Variants in TMTC1 observed in about 807,000 individuals in gnomAD.
The protein encoded by TMTC1 is protein O-mannosyl-transferase TMTC1.
TMTC1 carries 73 observed loss-of-function variants against 104.8 expected under a neutral mutation model. The ratio of observed to expected loss-of-function variants is 0.70; its 90% CI spans 0.58 to 0.85. The LOEUF (loss-of-function observed/expected upper bound fraction) is 0.85, where lower values mean the gene tolerates loss of function less well. Among genes scored for constraint, TMTC1 ranks in the 40% least tolerant of loss-of-function variants. The pLI, the probability that TMTC1 is intolerant of heterozygous loss-of-function variation, is 0.00. For missense variants in TMTC1, 1,035 were observed against 1,096.1 expected, an observed-to-expected ratio of 0.94 and a Z score of 0.79; for synonymous variants, 434 against 428.7, an observed-to-expected ratio of 1.01 and a Z score of -0.15.
At chr12:29,752,451 T>A (rs530925727) in intron 4 of TMTC1, among the ~76,000 whole-genome samples, 99 of 152,322 alleles carry the variant, frequency 6.5e-4, no homozygotes, top group Non-Finnish European at 1.1e-3. Context: ...GAGCAATGTC[T>A]CGGGATGTAA....
intron 5 of TMTC1, among the ~76,000 whole-genome samples, chr12:29,644,434 G>T (rs1939176843): frequency 6.6e-6 from 1 of 151,660 alleles, no homozygotes. Context: ...GATAATGGGT[G>T]CACCAAAATC....
intron 11 of TMTC1, among the ~76,000 whole-genome samples, chr12:29,523,819 T>C (rs1001229058): frequency 3.3e-5 from 5 of 152,166 alleles, no homozygotes; most frequent in African/African-American, 7.2e-5. Context: ...CTGTTTAGGA[T>C]TTTTTTAAAA....
At chr12:29,779,638 T>A (rs1464193300) in intron 1 of TMTC1, among the ~76,000 whole-genome samples, 2 of 152,216 alleles carry the variant, frequency 1.3e-5, no homozygotes, top group Non-Finnish European at 2.9e-5. Context: ...GCTCTCAGTA[T>A]GCGTAAGATA....
chr12:29,580,618 G>T (rs1945951827), intron 8 of TMTC1, among the ~76,000 whole-genome samples: 1 of 152,192 alleles, frequency 6.6e-6, no homozygotes. Context: ...GGGGAAGATG[G>T]AGTCTCTGCC....
At chr12:29,515,741 C>T in intron 15 of TMTC1, among the ~76,000 whole-genome samples, 1 of 132,792 alleles carries the variant, frequency 7.5e-6, no homozygotes, top group East Asian at 2.3e-4. Context: ...TCCATGAAGA[C>T]AAGGGCAGTG....
At chr12:29,672,237 C>G (rs1940545534) in intron 5 of TMTC1, among the ~76,000 whole-genome samples, 1 of 152,150 alleles carries the variant, frequency 6.6e-6, no homozygotes, top group Non-Finnish European at 1.5e-5. Flanking sequence ...GTCTTTAGGG[C>G]TCATCAAGTT....
chr12:29,565,760 T>A (rs1945494470), intron 9 of TMTC1, among the ~76,000 whole-genome samples: 1 of 152,072 alleles, frequency 6.6e-6, no homozygotes, highest in Non-Finnish European at 1.5e-5. Flanking sequence ...GGCAAGAGAA[T>A]CTCTTGTACC....
intron 5 of TMTC1, among the ~76,000 whole-genome samples, chr12:29,676,888 C>T (rs2136700495): frequency 6.6e-6 from 1 of 152,290 alleles, no homozygotes; most frequent in East Asian, 1.9e-4. Flanking sequence ...CTTGACAGAG[C>T]TGGCTGGCAT....
chr12:29,757,193 C>T (rs1943234811), intron 3 of TMTC1, among the ~76,000 whole-genome samples: 1 of 152,168 alleles, frequency 6.6e-6, no homozygotes, highest in Non-Finnish European at 1.5e-5. Flanking sequence ...ACCCTTTAAA[C>T]AAAACAAAAC....
At chr12:29,694,574 A>T (rs568596121) in intron 5 of TMTC1, among the ~76,000 whole-genome samples, 181 of 147,098 alleles carry the variant, frequency 1.2e-3, no homozygotes, top group African/African-American at 4.8e-3. Context: ...AAATCCACGG[A>T]TATGGAAGGC....
rs1376375750 is a variant in TMTC1, at chr12:29,543,062, C to A, written c.1677-6745G>T. Reference sequence around the variant, plus strand: ...AATTCCCGAGAATGTGTTCCTGGGACCAGTGACATCATCATTAATTTCATA... The same window carrying A: ...AATTCCCGAGAATGTGTTCCTGGGAACAGTGACATCATCATTAATTTCATA... On this transcript the variant is annotated intron_variant, in intron 10 of 17. Transcript: ENST00000539277. Among the ~76,000 whole-genome samples, 3 of 152,206 alleles carry A rather than the reference C, an allele frequency of 2.0e-5. No homozygotes were observed. The East Asian group carries it at 5.8e-4, about 29-fold the overall frequency.
intron 5 of TMTC1, among the ~76,000 whole-genome samples, chr12:29,654,132 T>A (rs901335177): frequency 2.7e-5 from 4 of 147,522 alleles, no homozygotes; most frequent in African/African-American, 9.7e-5. Context: ...TCAAAGGACA[T>A]CATCAAGTAA....
At position 29,501,844 on chromosome 12, in the gene TMTC1, T is replaced by C. The variant is rs1176389628; in HGVS notation, c.*5002A>G. The stretch of plus-strand genomic sequence containing the variant: ...TTTAATATCAGCCAATTGATTGTTA[T>C]AAAGATCTTATCAATTCTGTTGTGC... On this transcript the variant is annotated 3_prime_UTR_variant, in exon 18 of 18. Transcript: ENST00000539277. 1.3e-5 allele frequency: 2 copies of C among 152,180 alleles called. No homozygotes were observed. Among genetic ancestry groups the C allele is most frequent in the African/African-American group, 4.8e-5 (2 of 41,456 alleles). The allele number at this position is 152,180 out of a possible 1,614,324, so 9.4% of individuals were successfully genotyped here. A position where few individuals can be genotyped will look rare whatever the true frequency, so the allele number is the denominator to read the frequency against.
intron 7 of TMTC1, among the ~76,000 whole-genome samples, chr12:29,585,160 T>C (rs1444489612): frequency 6.6e-6 from 1 of 151,622 alleles, no homozygotes. Context: ...TATCTCATTG[T>C]GGTTTTGATT....
rs76088738 is a variant in TMTC1 at position 29,712,909 on chromosome 12, G to A, written c.938+38757C>T. Among the ~76,000 whole-genome samples the A allele has an allele frequency of 5.5e-4, 83 of 152,242 alleles. No individual in the cohort carries two copies. The East Asian group carries it at 0.014, about 26-fold the overall frequency. ...TCCATTGCGATAGTTAATTTTATGT[G>A]CCAATTTGTCTAGGCTACGGTGTTC... On this transcript the variant is annotated intron_variant, in intron 5 of 17. Coordinates refer to ENST00000539277, the MANE Select transcript of TMTC1 (RefSeq NM_001193451.2).
rs557781902 is a variant in TMTC1 at position 29,724,134 on chromosome 12, T to A, written c.938+27532A>T. Among the ~76,000 whole-genome samples, 4 of 152,256 alleles carry A rather than the reference T, an allele frequency of 2.6e-5. No homozygotes were observed. The South Asian group carries it at 8.3e-4, about 32-fold the overall frequency. ...CAGGAAAAAAATCCCAAGTGGCCAATAATAATCATGTGACTATGTGATCAA... is the reference window on the plus strand; with the variant it reads ...CAGGAAAAAAATCCCAAGTGGCCAAAAATAATCATGTGACTATGTGATCAA... On this transcript the variant is annotated intron_variant, in intron 5 of 17. Coordinates refer to ENST00000539277, the MANE Select transcript of TMTC1 (RefSeq NM_001193451.2).
Position 29,506,965 on chromosome 12 carries a change from C to A in TMTC1, c.2530G>T (p.Ala844Ser). Residue 844 changes from alanine (A) to serine (S), a missense_variant, in exon 18 of 18, where the codon GCT (alanine) becomes TCT (serine). Coordinates refer to ENST00000539277, the MANE Select transcript of TMTC1 (RefSeq NM_001193451.2). The part of the protein sequence containing the change: ...HIKGKYVSAR[A>S]YYERALQLVP... ...AGCTGTAAGGCTCTCTCATAATAAGCTCTTGCAGACACATATTTTCCCTGG... is the reference window on the plus strand; with the variant it reads ...AGCTGTAAGGCTCTCTCATAATAAGATCTTGCAGACACATATTTTCCCTGG... 1 of 1,613,924 alleles carries A rather than the reference C, an allele frequency of 6.2e-7. No individual in the cohort carries two copies. The highest frequency in any genetic ancestry group is 2.2e-5 in the East Asian group (1 of 44,874).
chr12:29,715,435 T>C (rs1942049100), intron 5 of TMTC1, among the ~76,000 whole-genome samples: 1 of 152,226 alleles, frequency 6.6e-6, no homozygotes, highest in Non-Finnish European at 1.5e-5. Context: ...ATTTAATACA[T>C]AAGCTAATTT....
At chr12:29,575,309 T>C (rs1592257145) in intron 8 of TMTC1, among the ~76,000 whole-genome samples, 1 of 152,240 alleles carries the variant, frequency 6.6e-6, no homozygotes, top group Admixed American at 6.5e-5. Context: ...GACTTCAGGA[T>C]GAGAACCTAG....
Sources: allele counts gnomAD v4.1 joint callset (sites outside exome capture counted in the v4.1 genomes callset), GRCh38; gene constraint gnomAD v4.1.1; transcripts MANE v1.5; gene names NCBI Gene and HGNC (gene_info 2026-07-23, HGNC 2026-07-21).